Variants in RORA observed in about 807,000 individuals in gnomAD.
RORA encodes the protein RAR related orphan receptor A.
In RORA, 7 loss-of-function variants were observed where a neutral mutation model predicts 69.5. That is an observed-to-expected ratio of 0.10 (90% CI 0.06 to 0.19). The LOEUF (loss-of-function observed/expected upper bound fraction) is 0.19. Ranked by LOEUF, RORA falls within the 10% of genes least tolerant of loss-of-function variation. The pLI, the probability that RORA is intolerant of heterozygous loss-of-function variation, is 1.00. For synonymous variants in RORA, 261 were observed against 240.8 expected (o/e 1.08, Z -0.78); for missense variants, 457 against 663.0 (o/e 0.69, Z 3.41).
chr15:61,055,195 C>T (rs974918386), intron 1 of RORA, among the ~76,000 whole-genome samples: 8 of 152,124 alleles, frequency 5.3e-5, no homozygotes, highest in African/African-American at 1.7e-4. Flanking sequence ...GCCACTTGAC[C>T]ATCCTAAGCC....
intron 2 of RORA, among the ~76,000 whole-genome samples, chr15:60,571,754 C>A (rs2067887787): frequency 6.6e-6 from 1 of 152,128 alleles, no homozygotes; most frequent in South Asian, 2.1e-4. Context: ...ATAAAATGCC[C>A]AGCTAGCTAT....
rs1336642251 is a variant in RORA at position 60,909,052 on chromosome 15, C to T, written c.167-230366G>A. Among the ~76,000 whole-genome samples, 3 of 152,134 alleles carry T rather than the reference C, an allele frequency of 2.0e-5. No individual in the cohort carries two copies. In the East Asian group the frequency reaches 5.8e-4, roughly 29 times the overall value. On this transcript the variant is annotated intron_variant, in intron 1 of 10. Transcript: ENST00000335670. ...GGGATCTGCTCACACCACCCATCTC[C>T]AGGCAAGTTGAAGCATGTCCTGGAA...
At chr15:60,977,204 T>TA (rs772826927) in intron 1 of RORA, among the ~76,000 whole-genome samples, 9 of 151,660 alleles carry the variant, frequency 5.9e-5, no homozygotes, top group Non-Finnish European at 1.0e-4. Context: ...TTTTCCCTCA[T>TA]AGATGTTATA....
At chr15:60,840,064 T>C (rs552304511) in intron 1 of RORA, among the ~76,000 whole-genome samples, 7 of 152,220 alleles carry the variant, frequency 4.6e-5, no homozygotes, top group African/African-American at 1.4e-4. Context: ...GCTGTGATGA[T>C]GGGCGGGGTC....
At chr15:60,974,237 G>A (rs8034880) in intron 1 of RORA, among the ~76,000 whole-genome samples, 128,748 of 152,136 alleles carry the variant, frequency 0.85, 54,970 homozygotes, top group South Asian at 0.91. Context: ...CCTCTAATGA[G>A]CTTAGGTTAT....
intron 2 of RORA, among the ~76,000 whole-genome samples, chr15:60,536,841 C>G (rs1015445657): frequency 5.3e-5 from 8 of 151,102 alleles, no homozygotes; most frequent in Non-Finnish European, 1.2e-4. Flanking sequence ...TTTAAAAAGC[C>G]TATCTATCTT....
chr15:60,895,146 G>T (rs1595799144), intron 1 of RORA, among the ~76,000 whole-genome samples: 1 of 152,196 alleles, frequency 6.6e-6, no homozygotes, highest in African/African-American at 2.4e-5. Context: ...TCAAGTCAAA[G>T]AATCTGCTGA....
chr15:60,887,168 GAA>G (rs1356707393), intron 1 of RORA, among the ~76,000 whole-genome samples: 9 of 134,714 alleles, frequency 6.7e-5, no homozygotes, highest in Non-Finnish European at 9.6e-5. Context: ...GAGAGAGAGA[GAA>G]AGAGAGTTGG....
rs35007770 is a variant in RORA at position 60,826,651 on chromosome 15, A to ATT, written c.167-147967_167-147966dup. ...AAAGGGACAGTTAAGTCTGAGTATG[A>ATT]TTTTTTTTTTTTCCCATGGAGGAGG... On this transcript the variant is annotated intron_variant, in intron 1 of 10. Coordinates refer to ENST00000335670, the MANE Select transcript of RORA (RefSeq NM_134261.3). Among the ~76,000 whole-genome samples the ATT allele has an allele frequency of 6.5e-3, 952 of 146,924 alleles. 4 individuals are homozygous for ATT. The highest frequency in any genetic ancestry group is 9.6e-3 in the Non-Finnish European group (642 of 66,826).
chr15:60,842,272 T>G (rs2073209120), intron 1 of RORA, among the ~76,000 whole-genome samples: 1 of 152,148 alleles, frequency 6.6e-6, no homozygotes, highest in Non-Finnish European at 1.5e-5. Flanking sequence ...GCAATTTATT[T>G]AATATCATCC....
intron 1 of RORA, among the ~76,000 whole-genome samples, chr15:60,762,184 G>A (rs937023016): frequency 2.0e-5 from 3 of 152,054 alleles, no homozygotes; most frequent in Non-Finnish European, 4.4e-5. Flanking sequence ...TTCCTTTTTG[G>A]TCTTCAACAA....
chr15:60,577,515 G>A (rs1271259527), intron 2 of RORA, among the ~76,000 whole-genome samples: 1 of 151,950 alleles, frequency 6.6e-6, no homozygotes, highest in Admixed American at 6.6e-5. Context: ...GTGGTGGTGC[G>A]TGTCTGTAAT....
rs372758963 is a variant in RORA at position 60,698,853 on chromosome 15, G to A, written c.167-20167C>T. On this transcript the variant is annotated intron_variant, in intron 1 of 10. Coordinates refer to ENST00000335670, the MANE Select transcript of RORA (RefSeq NM_134261.3). ...TGACATTTCTTTGTTCATTTATGATGTTGTTTTGTCTGCATTTTTAAAAAA... is the reference window on the plus strand; with the variant it reads ...TGACATTTCTTTGTTCATTTATGATATTGTTTTGTCTGCATTTTTAAAAAA... Among the ~76,000 whole-genome samples, 4 of 152,038 alleles carry A rather than the reference G, an allele frequency of 2.6e-5. No individual in the cohort carries two copies. In the South Asian group the frequency reaches 8.3e-4, roughly 32 times the overall value.
At chr15:61,033,697 G>C (rs1261332988) in intron 1 of RORA, among the ~76,000 whole-genome samples, 1 of 103,804 alleles carries the variant, frequency 9.6e-6, no homozygotes, top group Non-Finnish European at 1.9e-5. Context: ...AATGTGGCCA[G>C]TCTGAATTGA....
At chr15:60,684,075 C>T (rs2070700183) in intron 1 of RORA, among the ~76,000 whole-genome samples, 1 of 151,904 alleles carries the variant, frequency 6.6e-6, no homozygotes, top group Non-Finnish European at 1.5e-5. Context: ...GTCTGGGTAT[C>T]CAGTTAATTT....
At chr15:60,516,151 ATAT>A (rs2065918774) in intron 3 of RORA, among the ~76,000 whole-genome samples, 2 of 39,840 alleles carry the variant, frequency 5.0e-5, no homozygotes, top group African/African-American at 1.6e-4. Flanking sequence ...ATATATTTAT[ATAT>A]ATATATTTAT....
At position 60,737,630 on chromosome 15, in the gene RORA, C is replaced by T. The variant is rs190448088; in HGVS notation, c.167-58944G>A. Among the ~76,000 whole-genome samples, 9 of 152,316 alleles carry T rather than the reference C, an allele frequency of 5.9e-5. No individual in the cohort carries two copies. In the East Asian group the frequency reaches 7.7e-4, roughly 13 times the overall value. ...TGGTCTATAGAATGGGGGCTATAAG[C>T]GTCATGTGTATATATCAGTTGTCAA... is the stretch of plus-strand genomic sequence containing the variant. On this transcript the variant is annotated intron_variant, in intron 1 of 10. Coordinates refer to ENST00000335670, the MANE Select transcript of RORA (RefSeq NM_134261.3).
intron 1 of RORA, among the ~76,000 whole-genome samples, chr15:60,885,325 A>G (rs1330959676): frequency 6.6e-6 from 1 of 152,236 alleles, no homozygotes; most frequent in Non-Finnish European, 1.5e-5. Flanking sequence ...TGGAGTGTGC[A>G]GTTGAACCCC....
chr15:60,489,876 C>G lies in RORA; in HGVS notation c.*7579G>C, dbSNP rs1035269697. 7 of 152,066 alleles carry G rather than the reference C, an allele frequency of 4.6e-5. No individual in the cohort carries two copies. The highest frequency in any genetic ancestry group is 1.4e-4 in the African/African-American group (6 of 41,400). The allele number at this position is 152,066 out of a possible 1,614,324, so 9.4% of individuals were successfully genotyped here. On this transcript the variant is annotated 3_prime_UTR_variant, in exon 11 of 11. Transcript: ENST00000335670. ...AAAAAAAGTATATTACTCCATTAAA[C>G]AAGTTTCTTTAGGATCTTGAAGGCC...
Sources: gnomAD v4.1 joint callset for allele counts (sites outside exome capture counted in the v4.1 genomes callset) on GRCh38, gnomAD v4.1.1 for gene constraint, MANE v1.5 for transcripts, NCBI Gene and HGNC (gene_info 2026-07-23, HGNC 2026-07-21) for gene names.